The following IRX2 variants were observed in gnomAD, a reference collection of about 807,000 sequenced individuals.
IRX2 encodes iroquois homeobox 2.
Under a neutral mutation model 42.9 loss-of-function variants are expected in IRX2, and 26 were observed. That is an observed-to-expected ratio of 0.61 (90% CI 0.44 to 0.84). The LOEUF is 0.84. Among genes scored for constraint, IRX2 ranks in the 40% least tolerant of loss-of-function variants. The pLI, the probability that IRX2 is intolerant of heterozygous loss-of-function variation, is 0.00. For missense variants in IRX2, 782 were observed against 713.9 expected (o/e 1.10, Z -1.09); for synonymous variants, 424 against 353.9 (o/e 1.20, Z -2.22).
Position 2,748,766 on chromosome 5 carries a change from G to T in IRX2, c.942C>A (p.Ser314Arg). The stretch of plus-strand genomic sequence containing the variant: ...GGGGCGGCGCGCCCGGAGACGTCCG[G>T]CTGCCCTGGGGCGTCTTGCGGCCAC... ...PRGGRKTPQG[S>R]RTSPGAPPPA... Residue 314 changes from serine to arginine, a missense_variant, in exon 3 of 4, where the codon AGC (serine) becomes AGA (arginine). By Grantham distance (110) the Ser-to-Arg change is moderately radical. This residue lies in a region of IRX2 where 520 missense variants were observed against 437.8 expected (regional missense o/e 1.19). Transcript: ENST00000302057. 4.4e-6 allele frequency: 6 copies of T among 1,369,648 alleles called. No individual in the cohort carries two copies. The highest frequency in any genetic ancestry group is 5.6e-6 in the Non-Finnish European group (6 of 1,071,144). The allele number at this position is 1,369,648 out of a possible 1,614,324, so 84.8% of individuals were successfully genotyped here.
Position 2,748,766 on chromosome 5 carries a change from G to C in IRX2, c.942C>G (p.Ser314Arg). The C allele has an allele frequency of 7.3e-7, 1 of 1,369,648 alleles. No homozygotes were observed. The highest frequency in any genetic ancestry group is 9.3e-7 in the Non-Finnish European group (1 of 1,071,144). 84.8% of individuals were successfully genotyped at this position (1,369,648 alleles called of 1,614,324 possible). A position where few individuals can be genotyped will look rare whatever the true frequency, so the allele number is the denominator to read the frequency against. ...PRGGRKTPQG[S>R]RTSPGAPPPA... The stretch of plus-strand genomic sequence containing the variant: ...GGGGCGGCGCGCCCGGAGACGTCCG[G>C]CTGCCCTGGGGCGTCTTGCGGCCAC... Residue 314 changes from serine to arginine, a missense_variant, in exon 3 of 4, where the codon AGC becomes AGG. Transcript: ENST00000302057.
chr5:2,748,312 C>T (rs1176690657), intron 3 of IRX2, 33 bp downstream of exon 3: 2 of 1,377,918 alleles, frequency 1.5e-6, no homozygotes, highest in Non-Finnish European at 1.9e-6. Flanking sequence ...CTCTCCCTCC[C>T]CTCCCGGGCG....
intron 1 of IRX2, among the ~76,000 whole-genome samples, chr5:2,750,925 G>A (rs1357180565): frequency 6.6e-6 from 1 of 151,988 alleles, no homozygotes; most frequent in Non-Finnish European, 1.5e-5. Context: ...GAGCCGAGGG[G>A]ACGCGCGGGG....
downstream of IRX2, among the ~76,000 whole-genome samples, chr5:2,742,113 G>A (rs537114784): frequency 2.6e-4 from 40 of 152,284 alleles, no homozygotes; most frequent in African/African-American, 9.6e-4. Flanking sequence ...TGCCGGTTGA[G>A]GCCACATCCA....
In IRX2 at chr5:2,749,048, G is replaced by C. The variant is rs756601056; in HGVS notation, c.660C>G (p.Ile220Met). 5.6e-6 allele frequency: 9 copies of C among 1,596,256 alleles called. No individual in the cohort carries two copies. In the East Asian group the frequency reaches 1.6e-4, roughly 28 times the overall value. The change falls in exon 3 of 4, where the codon ATC becomes ATG. Residue 220 changes from isoleucine to methionine, a missense_variant. Physicochemically the swap from Ile to Met is conservative, Grantham distance 10. Coordinates refer to ENST00000302057, the MANE Select transcript of IRX2 (RefSeq NM_033267.5). ...CCGTGAGCGAGTCCACGTGCAGGCT[G>C]ATCCCTGTGGGGGCGCGGGCACGGT... ...GTETSAEDEG[I>M]SLHVDSLTDH...
At position 2,748,758 on chromosome 5, in the gene IRX2, G is replaced by A. The variant is rs1579627272; in HGVS notation, c.950C>T (p.Ser317Phe). 7.3e-7 allele frequency: 1 copy of A among 1,363,998 alleles called. No homozygotes were observed. The highest frequency in any genetic ancestry group is 2.5e-4 in the Middle Eastern group (1 of 3,976). 84.5% of individuals were successfully genotyped at this position (1,363,998 alleles called of 1,614,324 possible). Reference protein sequence around the residue: ...GRKTPQGSRTSPGAPPPASKP... With the variant: ...GRKTPQGSRTFPGAPPPASKP... ...GCTGGCGGGGGGCGGCGCGCCCGGAGACGTCCGGCTGCCCTGGGGCGTCTT... is the reference window on the plus strand; with the variant it reads ...GCTGGCGGGGGGCGGCGCGCCCGGAAACGTCCGGCTGCCCTGGGGCGTCTT... Residue 317 changes from serine (S) to phenylalanine (F), a missense_variant, in exon 3 of 4, where the codon TCT (serine) becomes TTT (phenylalanine). Ser to Phe is a radical substitution (Grantham distance 155). Coordinates refer to ENST00000302057, the MANE Select transcript of IRX2 (RefSeq NM_033267.5).
At chr5:2,743,012 C>G (rs1056898542), downstream of IRX2, among the ~76,000 whole-genome samples, 1 of 152,234 alleles carries the variant, frequency 6.6e-6, no homozygotes, top group African/African-American at 2.4e-5. Flanking sequence ...GTGGTTCTCG[C>G]CTCCCAGAAT....
At chr5:2,744,303 C>A (rs1369616682), downstream of IRX2, among the ~76,000 whole-genome samples, 1 of 152,180 alleles carries the variant, frequency 6.6e-6, no homozygotes, top group African/African-American at 2.4e-5. Context: ...AGTGCATGAT[C>A]TTTCCGTGTT....
chr5:2,738,265 A>T, the IRX2 span, among the ~76,000 whole-genome samples: 3 of 152,208 alleles, frequency 2.0e-5, no homozygotes, highest in Non-Finnish European at 4.4e-5. Context: ...TCCCGGTCAC[A>T]GGCCTGCCTG....
chr5:2,743,991 G>A (rs1362880512), downstream of IRX2, among the ~76,000 whole-genome samples: 1 of 152,002 alleles, frequency 6.6e-6, no homozygotes, highest in African/African-American at 2.4e-5. Context: ...CATCAAAGAA[G>A]CTTCCTTAGC....
the IRX2 span, chr5:2,737,694 T>C: frequency 1.3e-5 from 2 of 152,372 alleles, no homozygotes; most frequent in East Asian, 1.9e-4. Flanking sequence ...TGTTCACCCA[T>C]CGTACTCCAT....
chr5:2,736,866 A>G, the IRX2 span: 98,439 of 152,138 alleles, frequency 0.65, 32,216 homozygotes, highest in South Asian at 0.75. Context: ...TGCTTTGCAC[A>G]TATTTTGTGA....
chr5:2,747,411 G>T lies in IRX2; in HGVS notation c.*153C>A. 1.7e-6 allele frequency: 1 copy of T among 589,902 alleles called. No individual in the cohort carries two copies. The highest frequency in any genetic ancestry group is 3.0e-6 in the Non-Finnish European group (1 of 332,092). 36.5% of individuals were successfully genotyped at this position (589,902 alleles called of 1,614,324 possible). On this transcript the variant is annotated 3_prime_UTR_variant, in exon 4 of 4. Transcript: ENST00000302057. ...CAGAAAATATAGTTTCCCCCTTAAG[G>T]AAAGAAAAGCTGGACAAGATTGAAA...
In IRX2 at chr5:2,747,625, G is replaced by A; in HGVS notation, c.1364-9C>T. The A allele has an allele frequency of 1.2e-6, 2 of 1,613,764 alleles. No individual in the cohort carries two copies. Among genetic ancestry groups the A allele is most frequent in the Non-Finnish European group, 8.5e-7 (1 of 1,179,862 alleles). On this transcript the variant is annotated splice_polypyrimidine_tract_variant and intron_variant, in intron 3 of 3. Coordinates refer to ENST00000302057, the MANE Select transcript of IRX2 (RefSeq NM_033267.5). The stretch of plus-strand genomic sequence containing the variant: ...GCAGCCCTCGCTGGCATCTGTCAGG[G>A]GAGTGGGCAGTTAGTCAGAACCGAC...
the IRX2 span, chr5:2,736,931 T>C: frequency 6.6e-6 from 1 of 152,246 alleles, no homozygotes; most frequent in Non-Finnish European, 1.5e-5. Context: ...ATGTTGTGTA[T>C]AAGCACATTG....
intron 1 of IRX2, 129 bp from the exon 2 acceptor site, chr5:2,749,916 C>T: frequency 1.0e-6 from 1 of 961,742 alleles, no homozygotes; most frequent in South Asian, 1.7e-5. Context: ...GCTGCGCTTC[C>T]CGCCGCAAAA....
At chr5:2,740,543 C>A in the IRX2 span, among the ~76,000 whole-genome samples, 2 of 152,240 alleles carry the variant, frequency 1.3e-5, no homozygotes, top group African/African-American at 2.4e-5. Context: ...AGTCCCGGGG[C>A]TGGAGAGCCG....
chr5:2,748,904 G>C lies in IRX2; in HGVS notation c.804C>G (p.Asp268Glu). Reference protein sequence around the residue: ...DKYDDLEDDEDDDEEGERGLA... With the variant: ...DKYDDLEDDEEDDEEGERGLA... ...GGCCCCGCTCGCCCTCCTCGTCGTC[G>C]TCCTCGTCGTCCTCCAGGTCGTCAT... Residue 268 changes from aspartate (D) to glutamate (E), a missense_variant, in exon 3 of 4, where the codon GAC becomes GAG. Physicochemically the swap from Asp to Glu is conservative, Grantham distance 45. Around this residue, in one of 3 missense-constraint regions of IRX2, gnomAD observed 520 missense variants for 437.8 expected, o/e 1.19. Transcript: ENST00000302057. The C allele has an allele frequency of 6.3e-7, 1 of 1,595,768 alleles. No individual in the cohort carries two copies. The highest frequency in any genetic ancestry group is 8.5e-7 in the Non-Finnish European group (1 of 1,179,034).
chr5:2,739,817 A>T, the IRX2 span, among the ~76,000 whole-genome samples: 1 of 152,202 alleles, frequency 6.6e-6, no homozygotes, highest in Middle Eastern at 3.4e-3. Flanking sequence ...CCCGACCACC[A>T]CGGGAGCAGG....
Sources: gnomAD v4.1 joint callset for allele counts (sites outside exome capture counted in the v4.1 genomes callset) on GRCh38, gnomAD v4.1.1 for gene constraint, gnomAD v4.1.1 regional missense constraint, MANE v1.5 for transcripts, NCBI Gene and HGNC (gene_info 2026-07-23, HGNC 2026-07-21) for gene names.